PSTK: variants seen among roughly 807,000 people sequenced by gnomAD.
PSTK encodes phosphoseryl-tRNA kinase, also known as L-seryl-tRNA(Sec) kinase.
A neutral mutation model predicts 38.6 loss-of-function variants in PSTK; 26 were observed. That is an observed-to-expected ratio of 0.67 (90% CI 0.49 to 0.94). PSTK has a LOEUF of 0.94. PSTK is among the 40% of genes least tolerant of loss of function. The pLI is 0.00. For missense variants in PSTK, 445 were observed against 436.3 expected (o/e 1.02, Z -0.18); for synonymous variants, 181 against 161.7 (o/e 1.12, Z -0.91).
At position 122,982,893 on chromosome 10, in the gene PSTK, C is replaced by T; in HGVS notation, c.377C>T (p.Ser126Phe). Residue 126 changes from serine (S) to phenylalanine (F), a missense_variant, in exon 2 of 6, where the codon TCT becomes TTT. Physicochemically the swap from Ser to Phe is radical, Grantham distance 155. Coordinates refer to ENST00000406217, the MANE Select transcript of PSTK (RefSeq NM_001363531.2). ...TCLKDQDLIF[S>F]AAFEAQSCYL... ...TTAAAGGATCAAGATCTGATATTTT[C>T]TGCAGCATTTGAGGCCCAGTCTTGC... is the stretch of plus-strand genomic sequence containing the variant. 6.2e-7 allele frequency: 1 copy of T among 1,614,214 alleles called. No individual in the cohort carries two copies. The highest frequency in any genetic ancestry group is 8.5e-7 in the Non-Finnish European group (1 of 1,180,042).
chr10:122,980,555 C>T lies in PSTK; in HGVS notation c.76C>T (p.Leu26Phe). The T allele has an allele frequency of 3.7e-6, 6 of 1,611,954 alleles. No homozygotes were observed. Among genetic ancestry groups the T allele is most frequent in the South Asian group, 1.1e-5 (1 of 90,940 alleles). Residue 26 changes from leucine to phenylalanine, a missense_variant, in exon 1 of 6, where the codon CTC (leucine) becomes TTC (phenylalanine). Leu to Phe is a conservative substitution (Grantham distance 22). Coordinates refer to ENST00000406217, the MANE Select transcript of PSTK (RefSeq NM_001363531.2). The surrounding 1 kb of genome is among the most constrained non-coding windows in gnomAD (Gnocchi z 4.3). ...RKRGLCVLCG[L>F]PAAGKSTFAR... ...ACGAGGCCTCTGCGTCCTCTGTGGC[C>T]TCCCCGCGGCAGGAAAATCGACTTT...
Position 122,980,915 on chromosome 10 carries a change from A to G in PSTK, c.216+220A>G. The G allele has an allele frequency of 4.9e-6, 3 of 614,052 alleles. No individual in the cohort carries two copies. Among genetic ancestry groups the G allele is most frequent in the Non-Finnish European group, 6.1e-6 (3 of 490,748 alleles). The allele number at this position is 614,052 out of a possible 1,614,324, so 38.0% of individuals were successfully genotyped here. ...AGTGGTTACAAAGCCAACTGTTAGAACGATGCATTTTAGATGCTTATCTGT... is the reference window on the plus strand; with the variant it reads ...AGTGGTTACAAAGCCAACTGTTAGAGCGATGCATTTTAGATGCTTATCTGT... On this transcript the variant is annotated intron_variant, in intron 1 of 5. Transcript: ENST00000406217. The surrounding 1 kb of genome is among the most constrained non-coding windows in gnomAD (Gnocchi z 4.3).
At chr10:122,989,107 C>T (rs1357205284) in intron 5 of PSTK, among the ~76,000 whole-genome samples, 3 of 143,464 alleles carry the variant, frequency 2.1e-5, no homozygotes, top group African/African-American at 7.8e-5. Flanking sequence ...TGTATGTATA[C>T]TTCCAGTCAT....
intron 5 of PSTK, among the ~76,000 whole-genome samples, chr10:122,988,457 C>T (rs1564731950): frequency 2.0e-5 from 3 of 151,780 alleles, no homozygotes; most frequent in Non-Finnish European, 4.4e-5. Context: ...TTAATTTGTG[C>T]TTAATTAAAA....
At position 122,986,685 on chromosome 10, in the gene PSTK, G is replaced by A. The variant is rs544499959; in HGVS notation, c.784-184G>A. On this transcript the variant is annotated intron_variant, in intron 4 of 5. Coordinates refer to ENST00000406217, the MANE Select transcript of PSTK (RefSeq NM_001363531.2). The stretch of plus-strand genomic sequence containing the variant: ...ATTAGACATTCACCAGCATATCACC[G>A]CCTAGCTGGAACCCAGTTTACCACT... 3.3e-5 allele frequency among the ~76,000 whole-genome samples: 5 copies of A among 152,264 alleles called. No individual in the cohort carries two copies. In the East Asian group the frequency reaches 5.8e-4, roughly 18 times the overall value.
chr10:122,982,640 T>C (rs2133355322), intron 1 of PSTK, 93 bp from the exon 2 acceptor site: 1 of 1,072,072 alleles, frequency 9.3e-7, no homozygotes, highest in Non-Finnish European at 1.4e-6. Flanking sequence ...TATTGTGAGC[T>C]GAAATTTTCA....
At chr10:122,984,922 A>T (rs1849014820) in intron 3 of PSTK, 1 of 152,244 alleles carries the variant, frequency 6.6e-6, no homozygotes, top group Admixed American at 6.5e-5. Context: ...AGATAAGTAA[A>T]GTAATATACC....
At chr10:122,983,091 T>G in intron 2 of PSTK, 67 bp downstream of exon 2, 1 of 1,409,040 alleles carries the variant, frequency 7.1e-7, no homozygotes, top group Non-Finnish European at 9.7e-7. Context: ...ACTATTGTCT[T>G]CAATGAGAAT....
At chr10:122,984,345 G>T (rs921868562) in intron 3 of PSTK, 1 of 152,132 alleles carries the variant, frequency 6.6e-6, no homozygotes, top group Non-Finnish European at 1.5e-5. Context: ...TGCCCAGGCT[G>T]GTCTGAAACT....
rs945980355 is a variant in PSTK, at chr10:122,980,802, C to T, written c.216+107C>T. 1.6e-6 allele frequency: 2 copies of T among 1,286,464 alleles called. No homozygotes were observed. Among genetic ancestry groups the T allele is most frequent in the African/African-American group, 3.1e-5 (2 of 63,516 alleles). The allele number at this position is 1,286,464 out of a possible 1,614,324, so 79.7% of individuals were successfully genotyped here. On this transcript the variant is annotated intron_variant, in intron 1 of 5. Transcript: ENST00000406217. The surrounding 1 kb of genome is among the most constrained non-coding windows in gnomAD (Gnocchi z 4.3). ...GTCCTGGGTGATTTGCCATGAGCGC[C>T]CATTGCTTGGTGTGGGAGGTGAAGT... is the stretch of plus-strand genomic sequence containing the variant.
chr10:122,987,611 G>C, intron 5 of PSTK: 1 of 1,435,082 alleles, frequency 7.0e-7, no homozygotes, highest in East Asian at 2.4e-5. Flanking sequence ...TGAAATATGT[G>C]GTAACTAGAG....
At chr10:122,988,431 G>T (rs930931163) in intron 5 of PSTK, among the ~76,000 whole-genome samples, 5 of 151,952 alleles carry the variant, frequency 3.3e-5, no homozygotes, top group African/African-American at 9.7e-5. Context: ...GGGGTCAGGG[G>T]AGGTAGTAGT....
chr10:122,980,433 T>C lies in PSTK; in HGVS notation c.-47T>C. On this transcript the variant is annotated 5_prime_UTR_variant, in exon 1 of 6. Coordinates refer to ENST00000406217, the MANE Select transcript of PSTK (RefSeq NM_001363531.2). This position sits in a 1 kb window ranked among gnomAD's most constrained non-coding sequence, Gnocchi z 4.3. ...CTGCGCGTGCGCGCAGGGCAGACGG[T>C]AGAGCGGAGACGACGCTCCCAGACT... The C allele has an allele frequency of 3.3e-6, 5 of 1,516,698 alleles. No individual in the cohort carries two copies. Among genetic ancestry groups the C allele is most frequent in the Non-Finnish European group, 3.5e-6 (4 of 1,131,212 alleles). The allele number at this position is 1,516,698 out of a possible 1,614,324, so 94.0% of individuals were successfully genotyped here.
At chr10:122,989,741 G>C (rs930581834) in intron 5 of PSTK, among the ~76,000 whole-genome samples, 1 of 152,206 alleles carries the variant, frequency 6.6e-6, no homozygotes, top group African/African-American at 2.4e-5. Context: ...ATTGGCTGCT[G>C]TATTGAATAA....
At position 122,982,721 on chromosome 10, in the gene PSTK, G is replaced by T. The variant is rs1848978909; in HGVS notation, c.217-12G>T. Reference sequence around the variant, plus strand: ...GGCCTAATATGAATTGCAATTCTTTGGTCTCTTGTAGCCATCCCAATGGAA... The same window carrying T: ...GGCCTAATATGAATTGCAATTCTTTTGTCTCTTGTAGCCATCCCAATGGAA... On this transcript the variant is annotated splice_polypyrimidine_tract_variant and intron_variant, in intron 1 of 5. Coordinates refer to ENST00000406217, the MANE Select transcript of PSTK (RefSeq NM_001363531.2). The T allele has an allele frequency of 6.2e-7, 1 of 1,611,548 alleles. No homozygotes were observed. The highest frequency in any genetic ancestry group is 1.3e-5 in the African/African-American group (1 of 74,842).
At position 122,982,821 on chromosome 10, in the gene PSTK, T is replaced by A; in HGVS notation, c.305T>A (p.Val102Asp). 2.5e-6 allele frequency: 4 copies of A among 1,614,152 alleles called. No homozygotes were observed. The highest frequency in any genetic ancestry group is 2.5e-6 in the Non-Finnish European group (3 of 1,179,982). Residue 102 changes from valine (V) to aspartate (D), a missense_variant, in exon 2 of 6, where the codon GTC (valine) becomes GAC (aspartate). By Grantham distance (152) the Val-to-Asp change is radical. Coordinates refer to ENST00000406217, the MANE Select transcript of PSTK (RefSeq NM_001363531.2). ...GTCATTAATGGGTGTCAGATGTCTG[T>A]CCCACCCAACAGGACTGAAGCCATG... is the stretch of plus-strand genomic sequence containing the variant. ...MAVINGCQMS[V>D]PPNRTEAMWE...
chr10:122,980,902 G>C lies in PSTK; in HGVS notation c.216+207G>C, dbSNP rs10902852. 393,325 of 799,250 alleles carry C rather than the reference G, an allele frequency of 0.49. 96,863 individuals carry two copies. Among genetic ancestry groups the C allele is most frequent in the Non-Finnish European group, 0.5 (332,495 of 660,334 alleles). The allele number at this position is 799,250 out of a possible 1,614,324, so 49.5% of individuals were successfully genotyped here. A position where few individuals can be genotyped will look rare whatever the true frequency, so the allele number is the denominator to read the frequency against. The stretch of plus-strand genomic sequence containing the variant: ...GTTGGCTGTAGAAAGTGGTTACAAA[G>C]CCAACTGTTAGAACGATGCATTTTA... On this transcript the variant is annotated intron_variant, in intron 1 of 5. Transcript: ENST00000406217. The surrounding 1 kb of genome is among the most constrained non-coding windows in gnomAD (Gnocchi z 4.3).
chr10:122,989,988 T>G (rs891476743), intron 5 of PSTK, among the ~76,000 whole-genome samples, 186 bp from the exon 6 acceptor site: 1 of 152,252 alleles, frequency 6.6e-6, no homozygotes, highest in African/African-American at 2.4e-5. Context: ...TTTAAATTCT[T>G]TGACGTGTTT....
At chr10:122,986,414 A>G in intron 4 of PSTK, 39 bp downstream of exon 4, 1 of 1,383,988 alleles carries the variant, frequency 7.2e-7, no homozygotes, top group South Asian at 1.2e-5. Flanking sequence ...ATGAGAAGGA[A>G]CAACTTTTTG....
Sources: gnomAD v4.1 joint callset for allele counts (sites outside exome capture counted in the v4.1 genomes callset) on GRCh38, gnomAD v4.1.1 for gene constraint, Gnocchi (gnomAD v3.1) non-coding constraint, MANE v1.5 for transcripts, NCBI Gene and HGNC (gene_info 2026-07-23, HGNC 2026-07-21) for gene names.